FRMD3: variants seen among roughly 807,000 people sequenced by gnomAD.
The protein encoded by FRMD3 is FERM domain containing 3, also known as FERM domain-containing protein 3.
Under a neutral mutation model 70.2 loss-of-function variants are expected in FRMD3, and 33 were observed. The ratio of observed to expected loss-of-function variants is 0.47; its 90% CI spans 0.36 to 0.63. The LOEUF (loss-of-function observed/expected upper bound fraction) is 0.63, where lower values mean the gene tolerates loss of function less well. Among genes scored for constraint, FRMD3 ranks in the 20% least tolerant of loss-of-function variants. The pLI is 0.00. For missense variants in FRMD3, 632 were observed against 711.4 expected (o/e 0.89, Z 1.27); for synonymous variants, 279 against 255.9 (o/e 1.09, Z -0.86).
chr9:83,289,094 A>T (rs1834321538), intron 13 of FRMD3, among the ~76,000 whole-genome samples: 1 of 152,224 alleles, frequency 6.6e-6, no homozygotes, highest in African/African-American at 2.4e-5. Flanking sequence ...ACCTTCAGAA[A>T]AAATGATTTT....
chr9:83,500,439 C>T (rs1829037043), intron 1 of FRMD3, among the ~76,000 whole-genome samples: 1 of 150,988 alleles, frequency 6.6e-6, no homozygotes, highest in Admixed American at 6.6e-5. Context: ...CTTGAATATC[C>T]ATTTCCTACT....
the FRMD3 span, among the ~76,000 whole-genome samples, chr9:83,567,766 A>G: frequency 6.6e-6 from 1 of 152,158 alleles, no homozygotes; most frequent in African/African-American, 2.4e-5. Flanking sequence ...CCTCATCTCT[A>G]TATGAGACCA....
the FRMD3 span, among the ~76,000 whole-genome samples, chr9:83,563,972 G>T: frequency 6.6e-6 from 1 of 152,248 alleles, no homozygotes; most frequent in African/African-American, 2.4e-5. Context: ...ACCTTACAGT[G>T]CCAAGTCAGT....
chr9:83,534,670 T>C (rs1829854739), intron 1 of FRMD3, among the ~76,000 whole-genome samples: 1 of 152,212 alleles, frequency 6.6e-6, no homozygotes, highest in African/African-American at 2.4e-5. Context: ...TTGGGGCTAC[T>C]ACTGTCTGAA....
At chr9:83,297,564 T>C (rs1834724725) in intron 12 of FRMD3, 1 of 335,360 alleles carries the variant, frequency 3.0e-6, no homozygotes, top group Non-Finnish European at 6.0e-6. Context: ...GTTTTATCAT[T>C]TCCTCTTCAT....
chr9:83,300,638 A>G (rs1464722579), intron 10 of FRMD3, among the ~76,000 whole-genome samples: 1 of 152,234 alleles, frequency 6.6e-6, no homozygotes, highest in Non-Finnish European at 1.5e-5. Flanking sequence ...ATTTACCACA[A>G]TATAATTCAT....
chr9:83,547,175 T>A, the FRMD3 span, among the ~76,000 whole-genome samples: 1 of 149,576 alleles, frequency 6.7e-6, no homozygotes, highest in East Asian at 2.0e-4. Context: ...TCACTTTAAA[T>A]CAACAGTTAA....
chr9:83,278,642 A>AG (rs764139550), intron 13 of FRMD3, among the ~76,000 whole-genome samples: 13 of 152,196 alleles, frequency 8.5e-5, no homozygotes, highest in Non-Finnish European at 1.2e-4. Flanking sequence ...ACATGGCCCC[A>AG]GGGGACATAA....
At chr9:83,562,076 C>T in the FRMD3 span, among the ~76,000 whole-genome samples, 1 of 152,188 alleles carries the variant, frequency 6.6e-6, no homozygotes, top group Non-Finnish European at 1.5e-5. Context: ...TGGATGGGAT[C>T]AAATTGCTCC....
intron 1 of FRMD3, among the ~76,000 whole-genome samples, chr9:83,457,055 A>G (rs1827839457): frequency 1.3e-5 from 2 of 152,212 alleles, no homozygotes; most frequent in South Asian, 4.1e-4. Flanking sequence ...GTTTGTTAAA[A>G]GGAAGGTGCT....
At chr9:83,324,323 CAGAAAAG>C (rs1468584885) in intron 6 of FRMD3, among the ~76,000 whole-genome samples, 2 of 152,074 alleles carry the variant, frequency 1.3e-5, no homozygotes, top group Non-Finnish European at 2.9e-5. Context: ...ACCCAAAATT[CAGAAAAG>C]TGTACCTATG....
intron 13 of FRMD3, among the ~76,000 whole-genome samples, chr9:83,274,983 G>C (rs1833747967): frequency 6.6e-6 from 1 of 152,198 alleles, no homozygotes; most frequent in South Asian, 2.1e-4. Context: ...CTCTTGCTGG[G>C]ACAGCTGTGT....
In FRMD3 at chr9:83,531,701, A is replaced by G. The variant is rs548991514; in HGVS notation, c.147+6384T>C. 7.7e-4 allele frequency among the ~76,000 whole-genome samples: 118 copies of G among 152,362 alleles called. 3 individuals are homozygous for G. The South Asian group carries it at 0.024, about 32-fold the overall frequency. ...CATCATGGGGCCTGATATTTAGCAC[A>G]GATATAGGTTTGCACATGATAATAT... is the stretch of plus-strand genomic sequence containing the variant. On this transcript the variant is annotated intron_variant, in intron 1 of 13. Coordinates refer to ENST00000304195, the MANE Select transcript of FRMD3 (RefSeq NM_174938.6).
chr9:83,305,994 T>C (rs1835120054), intron 10 of FRMD3, among the ~76,000 whole-genome samples: 1 of 152,206 alleles, frequency 6.6e-6, no homozygotes, highest in South Asian at 2.1e-4. Flanking sequence ...GCTAATCTGC[T>C]TACCCAAAAT....
chr9:83,342,736 T>A (rs11140038), intron 5 of FRMD3, among the ~76,000 whole-genome samples: 2,628 of 88,322 alleles, frequency 0.03, 25 homozygotes, highest in Middle Eastern at 0.051. Flanking sequence ...AGATAGATAG[T>A]TAGATAGACA....
At chr9:83,479,785 GGGAAGGAAGGAAGGAAGGAAGGAA>G (rs1242768755) in intron 1 of FRMD3, among the ~76,000 whole-genome samples, 1 of 42,572 alleles carries the variant, frequency 2.3e-5, no homozygotes, top group Admixed American at 2.1e-4. Flanking sequence ...GAGGGAGGGA[GGGAAGGAAGGAAGGAAGGAAGGAA>G]GGAAGGAAGG....
intron 6 of FRMD3, among the ~76,000 whole-genome samples, chr9:83,316,137 T>C (rs1161016101): frequency 6.6e-6 from 1 of 150,836 alleles, no homozygotes; most frequent in African/African-American, 2.5e-5. Flanking sequence ...TGCCACCTTA[T>C]TCTTTTTTCT....
chr9:83,332,563 G>A (rs934606753), intron 6 of FRMD3, among the ~76,000 whole-genome samples: 17 of 152,110 alleles, frequency 1.1e-4, no homozygotes, highest in African/African-American at 3.9e-4. Context: ...AGAGATCACA[G>A]GAGCAGAATA....
intron 13 of FRMD3, among the ~76,000 whole-genome samples, chr9:83,264,815 G>T (rs1563981938): frequency 6.7e-6 from 1 of 148,338 alleles, no homozygotes; most frequent in Non-Finnish European, 1.5e-5. Flanking sequence ...TGTGGGGGGA[G>T]GGGGGAAGGT....
Sources: gnomAD v4.1 joint callset for allele counts (sites outside exome capture counted in the v4.1 genomes callset) on GRCh38, gnomAD v4.1.1 for gene constraint, MANE v1.5 for transcripts, NCBI Gene and HGNC (gene_info 2026-07-23, HGNC 2026-07-21) for gene names.